DMTF1: variants seen among roughly 807,000 people sequenced by gnomAD.
DMTF1 encodes the protein cyclin D binding myb like transcription factor 1.
In DMTF1, 39 loss-of-function variants were observed where a neutral mutation model predicts 91.1. The observed-to-expected ratio is 0.43, with a 90% CI of 0.33 to 0.56. DMTF1 has a LOEUF of 0.56. Among genes scored for constraint, DMTF1 ranks in the 20% least tolerant of loss-of-function variants. The pLI is 0.05. For missense variants in DMTF1, 750 were observed against 914.5 expected (o/e 0.82, Z 2.32); for synonymous variants, 338 against 309.5 (o/e 1.09, Z -0.97).
Position 87,190,954 on chromosome 7 carries a change from ACT to A in DMTF1, c.1425_1426del (p.Pro476CysfsTer4). ...CTTATTCTTACCACAGCTTCAGCAG[ACT>A]CTCCTGCTACCGTTGACTCAGAAAC... On this transcript the variant is annotated frameshift_variant, in exon 14 of 18. Transcript: ENST00000331242. LOFTEE classifies it high-confidence loss of function. The A allele has an allele frequency of 1.2e-6, 2 of 1,608,162 alleles. No homozygotes were observed. The highest frequency in any genetic ancestry group is 1.7e-6 in the Non-Finnish European group (2 of 1,176,854).
chr7:87,193,058 G>A (rs566256851), intron 14 of DMTF1, 140 bp from the exon 15 acceptor site: 5 of 784,224 alleles, frequency 6.4e-6, no homozygotes, highest in South Asian at 3.6e-5. Flanking sequence ...GACTTGAGAC[G>A]ATTATGCCCT....
intron 14 of DMTF1, 49 bp from the exon 15 acceptor site, chr7:87,193,127 TAAACTCAGTCCGTTTTTGTATA>T: frequency 1.9e-6 from 3 of 1,544,686 alleles, no homozygotes; most frequent in East Asian, 4.5e-5. Context: ...TCTAGTAAAC[TAAACTCAGTCCGTTTTTGTATA>T]TAAAAGTAGA....
intron 4 of DMTF1, among the ~76,000 whole-genome samples, chr7:87,167,492 G>A (rs1438004063): frequency 2.6e-5 from 4 of 152,200 alleles, no homozygotes; most frequent in Admixed American, 2.6e-4. Context: ...TGCCATAGCT[G>A]AGAACTTTGA....
At chr7:87,168,857 C>G (rs1024657351) in intron 4 of DMTF1, among the ~76,000 whole-genome samples, 4 of 152,176 alleles carry the variant, frequency 2.6e-5, no homozygotes, top group Non-Finnish European at 5.9e-5. Context: ...CCGAAACTTG[C>G]AAATACCTTT....
chr7:87,168,204 C>A (rs1261039416), intron 4 of DMTF1, among the ~76,000 whole-genome samples: 1 of 152,190 alleles, frequency 6.6e-6, no homozygotes, highest in Non-Finnish European at 1.5e-5. Flanking sequence ...TCATATTAAT[C>A]ATTCTAACTC....
At chr7:87,153,820 G>A (rs1325894593) in intron 1 of DMTF1, among the ~76,000 whole-genome samples, 2 of 152,132 alleles carry the variant, frequency 1.3e-5, no homozygotes, top group Non-Finnish European at 2.9e-5. Context: ...AAAACCATTT[G>A]TAGCTTTTAA....
intron 7 of DMTF1, among the ~76,000 whole-genome samples, chr7:87,176,129 G>T (rs1396444734): frequency 1.3e-5 from 2 of 152,132 alleles, no homozygotes; most frequent in African/African-American, 4.8e-5. Context: ...ATGTAGAAAC[G>T]CAGTGCTGCC....
intron 1 of DMTF1, among the ~76,000 whole-genome samples, chr7:87,153,517 C>G (rs573190334): frequency 6.6e-6 from 1 of 152,206 alleles, no homozygotes; most frequent in African/African-American, 2.4e-5. Context: ...ATAAAATACT[C>G]GGTGTAGATA....
At chr7:87,154,412 T>G (rs185434075) in intron 1 of DMTF1, 14 of 152,772 alleles carry the variant, frequency 9.2e-5, no homozygotes, top group Non-Finnish European at 1.8e-4. Context: ...CCCCAAAATA[T>G]GCTTTTGGGG....
At chr7:87,170,027 A>G (rs1794718945) in intron 4 of DMTF1, among the ~76,000 whole-genome samples, 1 of 152,218 alleles carries the variant, frequency 6.6e-6, no homozygotes, top group Non-Finnish European at 1.5e-5. Context: ...TTTAAAGCAG[A>G]GGTTCTGTAA....
chr7:87,160,463 C>G (rs561152744), intron 1 of DMTF1, among the ~76,000 whole-genome samples: 1 of 151,422 alleles, frequency 6.6e-6, no homozygotes. Flanking sequence ...TTAGTAGAGA[C>G]GGGGTTTCAG....
chr7:87,173,136 C>T (rs1173264352), intron 5 of DMTF1, among the ~76,000 whole-genome samples: 1 of 152,140 alleles, frequency 6.6e-6, no homozygotes, highest in African/African-American at 2.4e-5. Flanking sequence ...ATTTTCCTAT[C>T]TAGAACAGAT....
chr7:87,169,811 C>T (rs1162421973), intron 4 of DMTF1, among the ~76,000 whole-genome samples: 1 of 152,180 alleles, frequency 6.6e-6, no homozygotes, highest in Non-Finnish European at 1.5e-5. Context: ...TCTTAGTCTC[C>T]ACTGCTGACT....
chr7:87,190,169 A>C (rs1799420503), intron 13 of DMTF1, among the ~76,000 whole-genome samples: 1 of 152,074 alleles, frequency 6.6e-6, no homozygotes, highest in South Asian at 2.1e-4. Context: ...CAGTTGACAC[A>C]CATGTAAAGA....
At chr7:87,178,907 C>T (rs931088872) in intron 7 of DMTF1, among the ~76,000 whole-genome samples, 1 of 151,336 alleles carries the variant, frequency 6.6e-6, no homozygotes, top group Non-Finnish European at 1.5e-5. Context: ...ATAACTGATT[C>T]GATTTTCTTG....
intron 14 of DMTF1, 72 bp from the exon 15 acceptor site, chr7:87,193,126 C>T (rs1800270292): frequency 6.5e-7 from 1 of 1,538,580 alleles, no homozygotes; most frequent in Middle Eastern, 1.7e-4. Context: ...GTCTAGTAAA[C>T]TAAACTCAGT....
intron 14 of DMTF1, chr7:87,192,710 AC>A (rs1248854299): frequency 6.6e-6 from 1 of 152,412 alleles, no homozygotes; most frequent in Non-Finnish European, 1.5e-5. Context: ...TTAATAGTTA[AC>A]CAGCTTTTTC....
At chr7:87,166,675 G>C (rs1793903437) in intron 4 of DMTF1, 70 bp downstream of exon 4, 3 of 1,488,006 alleles carry the variant, frequency 2.0e-6, no homozygotes, top group Non-Finnish European at 2.8e-6. Context: ...AAGGCTTTCA[G>C]TTGGCATTTC....
chr7:87,153,388 T>G (rs1789820916), intron 1 of DMTF1, among the ~76,000 whole-genome samples: 1 of 152,222 alleles, frequency 6.6e-6, no homozygotes, highest in African/African-American at 2.4e-5. Flanking sequence ...GTACTTCGCT[T>G]TGAGAATTTC....
Sources: gnomAD v4.1 joint callset for allele counts (sites outside exome capture counted in the v4.1 genomes callset) on GRCh38, gnomAD v4.1.1 for gene constraint, MANE v1.5 for transcripts, NCBI Gene and HGNC (gene_info 2026-07-23, HGNC 2026-07-21) for gene names.